Variants in FOXP1 observed in about 807,000 individuals in gnomAD.
FOXP1 encodes forkhead box P1.
Under a neutral mutation model 98.2 loss-of-function variants are expected in FOXP1, and 15 were observed. The ratio of observed to expected loss-of-function variants is 0.15; its 90% CI spans 0.10 to 0.24. The LOEUF is 0.24. FOXP1 is among the 10% of genes least tolerant of loss of function. FOXP1 has a pLI of 1.00. For synonymous variants in FOXP1, 371 were observed against 314.5 expected (o/e 1.18, Z -1.90); for missense variants, 633 against 848.5 (o/e 0.75, Z 3.15).
Position 71,583,614 on chromosome 3 carries a change from C to A in FOXP1, c.-490G>T. On this transcript the variant is annotated 5_prime_UTR_variant, in exon 1 of 21. Transcript: ENST00000649528. ...CGGTGCAAACTAAGGTGTTTTCGGG[C>A]CTTTCCCCGCGCGCGCCCACTCCCG... 2.0e-6 allele frequency: 2 copies of A among 984,080 alleles called. No homozygotes were observed. 61.0% of individuals were successfully genotyped at this position (984,080 alleles called of 1,614,324 possible).
intron 6 of FOXP1, among the ~76,000 whole-genome samples, chr3:71,159,025 G>A (rs1395278507): frequency 6.6e-6 from 1 of 150,910 alleles, no homozygotes; most frequent in African/African-American, 2.4e-5. Context: ...AGAATCCCTG[G>A]AGCCCAGGAG....
chr3:71,077,214 C>T (rs974790770), intron 7 of FOXP1, among the ~76,000 whole-genome samples: 1 of 152,192 alleles, frequency 6.6e-6, no homozygotes, highest in African/African-American at 2.4e-5. Context: ...CTAACAAAAA[C>T]GGCATAGTCA....
chr3:71,425,401 C>T (rs897313019), intron 3 of FOXP1, among the ~76,000 whole-genome samples: 1 of 152,182 alleles, frequency 6.6e-6, no homozygotes, highest in Admixed American at 6.5e-5. Context: ...GCTGGAATTA[C>T]AGGTGTGAGC....
At chr3:71,304,896 A>G (rs2074146907) in intron 4 of FOXP1, 1 of 152,172 alleles carries the variant, frequency 6.6e-6, no homozygotes, top group Admixed American at 6.5e-5. Flanking sequence ...AACAGAGGCA[A>G]CAGTTAACCG....
intron 6 of FOXP1, among the ~76,000 whole-genome samples, chr3:71,145,620 C>T (rs753734351): frequency 8.5e-5 from 13 of 152,192 alleles, no homozygotes; most frequent in South Asian, 2.1e-4. Context: ...ATATTCCCAC[C>T]GGCAATGCAT....
At chr3:71,060,857 T>G (rs948162811) in intron 7 of FOXP1, among the ~76,000 whole-genome samples, 5 of 152,180 alleles carry the variant, frequency 3.3e-5, no homozygotes, top group Admixed American at 3.3e-4. Flanking sequence ...ACATTTAGCC[T>G]GCATCTTCAT....
chr3:71,362,794 A>G (rs2078662289), intron 3 of FOXP1, among the ~76,000 whole-genome samples: 1 of 152,158 alleles, frequency 6.6e-6, no homozygotes, highest in African/African-American at 2.4e-5. Flanking sequence ...TAAAGTTAGT[A>G]TTTTCCAGGA....
rs140998845 is a variant in FOXP1, at chr3:71,143,991, A to C, written c.181-31354T>G. ...CCCATCTAACCTCTGATGAAAAAGA[A>C]AACCCTTCTATACTCATGATTTTTG... On this transcript the variant is annotated intron_variant, in intron 6 of 20. Coordinates refer to ENST00000649528, the MANE Select transcript of FOXP1 (RefSeq NM_001349338.3). Among the ~76,000 whole-genome samples, 54 of 152,348 alleles carry C rather than the reference A, an allele frequency of 3.5e-4. 1 individual carries two copies. The East Asian group carries it at 7.3e-3, about 21-fold the overall frequency.
At chr3:71,443,829 A>G (rs966686335) in intron 3 of FOXP1, among the ~76,000 whole-genome samples, 3 of 152,208 alleles carry the variant, frequency 2.0e-5, no homozygotes, top group African/African-American at 7.2e-5. Context: ...ATAGTATTGT[A>G]GGGTGGCCTT....
chr3:71,158,727 C>CAAAAAAAA (rs71104421), intron 6 of FOXP1, among the ~76,000 whole-genome samples: 1 of 113,098 alleles, frequency 8.8e-6, no homozygotes, highest in Non-Finnish European at 1.8e-5. Context: ...GCCCACAGAC[C>CAAAAAAAA]AAAAAAAAAA....
At chr3:71,229,215 G>A (rs1365673200) in intron 5 of FOXP1, among the ~76,000 whole-genome samples, 4 of 152,096 alleles carry the variant, frequency 2.6e-5, no homozygotes, top group Non-Finnish European at 5.9e-5. Flanking sequence ...TAGCCATAAT[G>A]ATTTGTACAT....
chr3:71,479,189 G>C (rs2090085903), intron 3 of FOXP1, among the ~76,000 whole-genome samples: 1 of 152,064 alleles, frequency 6.6e-6, no homozygotes, highest in Admixed American at 6.5e-5. Context: ...TCTGGGACTG[G>C]GGAGTTACCA....
At position 71,254,792 on chromosome 3, in the gene FOXP1, C is replaced by A. The variant is rs118125178; in HGVS notation, c.-12+45028G>T. ...CTTTCACTGTAGCTGATCTTATCTA[C>A]AGGGTAAAAGCAAATCCACATTCAT... On this transcript the variant is annotated intron_variant, in intron 5 of 20. Coordinates refer to ENST00000649528, the MANE Select transcript of FOXP1 (RefSeq NM_001349338.3). Among the ~76,000 whole-genome samples the A allele has an allele frequency of 1.6e-3, 241 of 152,264 alleles. 8 individuals carry two copies. The East Asian group carries it at 0.045, about 28-fold the overall frequency.
At chr3:71,562,090 T>A (rs1467120391) in intron 2 of FOXP1, among the ~76,000 whole-genome samples, 1 of 152,088 alleles carries the variant, frequency 6.6e-6, no homozygotes, top group Non-Finnish European at 1.5e-5. Flanking sequence ...TCCAACCAAG[T>A]CTCAGTCTTG....
chr3:71,197,740 G>T, intron 6 of FOXP1: 1 of 818,852 alleles, frequency 1.2e-6, no homozygotes, highest in Non-Finnish European at 1.9e-6. Flanking sequence ...ATCTCCGCCT[G>T]TCTTTCTATG....
At chr3:71,413,125 C>A (rs2082890136) in intron 3 of FOXP1, among the ~76,000 whole-genome samples, 4 of 148,594 alleles carry the variant, frequency 2.7e-5, no homozygotes, top group Non-Finnish European at 6.0e-5. Flanking sequence ...AACACACACA[C>A]ACACGCACCC....
intron 3 of FOXP1, among the ~76,000 whole-genome samples, chr3:71,444,796 G>C (rs1368518183): frequency 1.3e-5 from 2 of 152,154 alleles, no homozygotes. Flanking sequence ...AAACAGGCCT[G>C]CTGCAGACAG....
chr3:71,577,017 T>A (rs891877636), intron 2 of FOXP1, among the ~76,000 whole-genome samples: 1 of 152,072 alleles, frequency 6.6e-6, no homozygotes, highest in Non-Finnish European at 1.5e-5. Flanking sequence ...TGCAGAGACA[T>A]CCACAAGCCA....
At chr3:71,267,964 G>A (rs984900133) in intron 5 of FOXP1, among the ~76,000 whole-genome samples, 1 of 146,486 alleles carries the variant, frequency 6.8e-6, no homozygotes, top group Non-Finnish European at 1.5e-5. Flanking sequence ...GTTGCAGTGA[G>A]CTGAGATCAC....
Sources: gnomAD v4.1 joint callset for allele counts (sites outside exome capture counted in the v4.1 genomes callset) on GRCh38, gnomAD v4.1.1 for gene constraint, MANE v1.5 for transcripts, NCBI Gene and HGNC (gene_info 2026-07-23, HGNC 2026-07-21) for gene names.